The following ZNF280B variants were observed in gnomAD, a reference collection of about 807,000 sequenced individuals.
The protein encoded by ZNF280B is zinc finger protein 280B, also known as suppressor of hairy wing homolog 2.
ZNF280B carries 16 observed loss-of-function variants against 38.0 expected under a neutral mutation model. The ratio of observed to expected loss-of-function variants is 0.42; its 90% CI spans 0.28 to 0.64. The LOEUF is 0.64. ZNF280B is among the 30% of genes least tolerant of loss of function. The pLI is 0.21. For synonymous variants in ZNF280B, 253 were observed against 230.6 expected (o/e 1.10, Z -0.88); for missense variants, 581 against 639.6 (o/e 0.91, Z 0.99).
chr22:22,495,608 A>T (rs939258192), intron 2 of ZNF280B, among the ~76,000 whole-genome samples: 2 of 151,904 alleles, frequency 1.3e-5, no homozygotes, highest in African/African-American at 4.8e-5. Flanking sequence ...TCTCATGGAG[A>T]AGGTAAATTT....
At chr22:22,491,457 CTTTTT>C (rs55720546) in intron 3 of ZNF280B, among the ~76,000 whole-genome samples, 3 of 113,976 alleles carry the variant, frequency 2.6e-5, no homozygotes, top group African/African-American at 3.0e-5. Context: ...TGTCTTTTTT[CTTTTT>C]TTTTTTTTTT....
At chr22:22,508,280 G>A (rs2061980125) in intron 1 of ZNF280B, among the ~76,000 whole-genome samples, 1 of 151,934 alleles carries the variant, frequency 6.6e-6, no homozygotes, top group Non-Finnish European at 1.5e-5. Context: ...TTACAAAGCA[G>A]TTTTCAGATT....
At chr22:22,498,088 A>C (rs1334824602) in intron 2 of ZNF280B, among the ~76,000 whole-genome samples, 1 of 152,028 alleles carries the variant, frequency 6.6e-6, no homozygotes, top group Non-Finnish European at 1.5e-5. Context: ...TACCATGTAA[A>C]AGAAGTCAGT....
chr22:22,489,424 G>A lies in ZNF280B; in HGVS notation c.-26C>T. ...TTTCTAATTTTTTTATTCCTGAATG[G>A]TGGGGCCACAAGTCCCAATGCTTCC... On this transcript the variant is annotated 5_prime_UTR_variant, in exon 4 of 4. Transcript: ENST00000626650. 1 of 1,563,090 alleles carries A rather than the reference G, an allele frequency of 6.4e-7. No individual in the cohort carries two copies. The highest frequency in any genetic ancestry group is 1.2e-5 in the South Asian group (1 of 80,814).
intron 3 of ZNF280B, among the ~76,000 whole-genome samples, chr22:22,491,325 C>T (rs2061589031): frequency 6.6e-6 from 1 of 150,938 alleles, no homozygotes; most frequent in East Asian, 2.0e-4. Context: ...AATATTTGAC[C>T]ACAACCAATA....
rs1279710360 is a variant in ZNF280B, at chr22:22,486,629, A to G, written c.*1138T>C. The G allele has an allele frequency of 1.3e-5, 2 of 152,038 alleles. No individual in the cohort carries two copies. Among genetic ancestry groups the G allele is most frequent in the African/African-American group, 2.4e-5 (1 of 41,362 alleles). The allele number at this position is 152,038 out of a possible 1,614,324, so 9.4% of individuals were successfully genotyped here. A position where few individuals can be genotyped will look rare whatever the true frequency, so the allele number is the denominator to read the frequency against. On this transcript the variant is annotated 3_prime_UTR_variant, in exon 4 of 4. Coordinates refer to ENST00000626650, the MANE Select transcript of ZNF280B (RefSeq NM_080764.4). ...GCTAGTACCAGGCACCATTCTATTAATTTTATTGCTATTTCACCTCAAACC... is the reference window on the plus strand; with the variant it reads ...GCTAGTACCAGGCACCATTCTATTAGTTTTATTGCTATTTCACCTCAAACC...
chr22:22,502,595 T>TA (rs1451145973), intron 2 of ZNF280B, among the ~76,000 whole-genome samples: 1 of 151,850 alleles, frequency 6.6e-6, no homozygotes, highest in African/African-American at 2.4e-5. Context: ...TATTCAGCCA[T>TA]AAAAAAACTA....
chr22:22,488,745 G>A lies in ZNF280B; in HGVS notation c.654C>T (p.Pro218=). 6.2e-7 allele frequency: 1 copy of A among 1,613,844 alleles called. No individual in the cohort carries two copies. The highest frequency in any genetic ancestry group is 1.1e-5 in the South Asian group (1 of 91,068). Residue 218 remains proline, a synonymous_variant, in exon 4 of 4, where the codon CCC becomes CCT. Coordinates refer to ENST00000626650, the MANE Select transcript of ZNF280B (RefSeq NM_080764.4). ...TTAATGAGGTATGAACATTATTTGA[G>A]GGTGTACTTTGCTGAGTATTCATTG... is the stretch of plus-strand genomic sequence containing the variant. ...FHTMNTQQST[P]SNNVHTSLSH... is the part of the protein sequence containing the mutation.
rs2236729 is a variant in ZNF280B, at chr22:22,488,632, G to T, written c.767C>A (p.Ala256Glu). 190,846 of 1,613,510 alleles carry T rather than the reference G, an allele frequency of 0.12. 14,012 individuals carry two copies. Among genetic ancestry groups the T allele is most frequent in the South Asian group, 0.29 (26,584 of 91,042 alleles). ...FKPINTNLDR[A>E]NELAKTDILS... The stretch of plus-strand genomic sequence containing the variant: ...AATGTCTGTTTTTGCCAATTCATTT[G>T]CCCTATCAAGATTTGTATTTATAGG... Residue 256 changes from alanine (A) to glutamate (E), a missense_variant, in exon 4 of 4, where the codon GCA becomes GAA. Transcript: ENST00000626650.
chr22:22,496,105 CT>C (rs34586676), intron 2 of ZNF280B, among the ~76,000 whole-genome samples: 13,995 of 114,584 alleles, frequency 0.12, 1,071 homozygotes, highest in African/African-American at 0.25. Context: ...TGCGCCTGGC[CT>C]TTTTTTTTTT....
At chr22:22,495,187 T>C (rs2061670334) in intron 2 of ZNF280B, among the ~76,000 whole-genome samples, 1 of 152,000 alleles carries the variant, frequency 6.6e-6, no homozygotes, top group Non-Finnish European at 1.5e-5. Context: ...CCTCTAACAG[T>C]ACACCTTAGG....
At chr22:22,494,383 C>A (rs952098818) in intron 2 of ZNF280B, among the ~76,000 whole-genome samples, 5 of 151,876 alleles carry the variant, frequency 3.3e-5, no homozygotes, top group Non-Finnish European at 7.4e-5. Context: ...GGATCAGGAA[C>A]AAAGCTAATA....
At chr22:22,500,791 G>A (rs188483573) in intron 2 of ZNF280B, among the ~76,000 whole-genome samples, 54 of 151,758 alleles carry the variant, frequency 3.6e-4, no homozygotes, top group African/African-American at 1.3e-3. Flanking sequence ...CCCAGGAGGC[G>A]GAGGTTGCAG....
At chr22:22,506,241 G>A (rs1284893752) in intron 2 of ZNF280B, among the ~76,000 whole-genome samples, 1 of 151,814 alleles carries the variant, frequency 6.6e-6, no homozygotes, top group African/African-American at 2.4e-5. Context: ...GGGAAAAGAG[G>A]TCTGAGATCT....
intron 2 of ZNF280B, among the ~76,000 whole-genome samples, chr22:22,495,639 TAA>T (rs1166538554): frequency 6.6e-6 from 1 of 151,928 alleles, no homozygotes; most frequent in African/African-American, 2.4e-5. Context: ...TTGAAGGGGA[TAA>T]AAGGTCAGAG....
intron 2 of ZNF280B, among the ~76,000 whole-genome samples, chr22:22,501,019 C>CAAAAAAAAAAAAAAA (rs56907724): frequency 1.0e-4 from 6 of 60,268 alleles, no homozygotes; most frequent in South Asian, 7.7e-4. Flanking sequence ...GACTCCGTCT[C>CAAAAAAAAAAAAAAA]AAAAAAAAAA....
intron 2 of ZNF280B, among the ~76,000 whole-genome samples, chr22:22,506,149 A>G (rs2061934741): frequency 6.6e-6 from 1 of 151,866 alleles, no homozygotes; most frequent in South Asian, 2.1e-4. Context: ...GAGCCCAAGG[A>G]AAGTTCCGAG....
chr22:22,492,855 C>T (rs568575259), intron 3 of ZNF280B, among the ~76,000 whole-genome samples: 2 of 149,898 alleles, frequency 1.3e-5, no homozygotes, highest in Non-Finnish European at 3.0e-5. Context: ...CACTGCACTC[C>T]AGTCCGGGTG....
At position 22,489,678 on chromosome 22, in the gene ZNF280B, T is replaced by TA. The variant is rs75673310; in HGVS notation, c.-68-213dup. ...GTACTGATTGTGCTCTATTCCATTT[T>TA]AAAAAAAAAAACCTACCAGCAGCTA... On this transcript the variant is annotated intron_variant, in intron 3 of 3. Coordinates refer to ENST00000626650, the MANE Select transcript of ZNF280B (RefSeq NM_080764.4). 1.3e-3 allele frequency among the ~76,000 whole-genome samples: 185 copies of TA among 145,612 alleles called. 1 individual carries two copies. Among genetic ancestry groups the TA allele is most frequent in the Middle Eastern group, 3.6e-3 (1 of 280 alleles).
Sources: allele counts gnomAD v4.1 joint callset (sites outside exome capture counted in the v4.1 genomes callset), GRCh38; gene constraint gnomAD v4.1.1; transcripts MANE v1.5; gene names NCBI Gene and HGNC (gene_info 2026-07-23, HGNC 2026-07-21).